MAPK10: variants seen among roughly 807,000 people sequenced by gnomAD.
MAPK10 encodes the protein JNK3 alpha protein kinase.
A neutral mutation model predicts 59.3 loss-of-function variants in MAPK10; 25 were observed. The observed-to-expected ratio is 0.42, with a 90% CI of 0.31 to 0.59. MAPK10 has a LOEUF of 0.59. Ranked by LOEUF, MAPK10 falls within the 20% of genes least tolerant of loss-of-function variation. MAPK10 has a pLI of 0.15. For synonymous variants in MAPK10, 190 were observed against 200.5 expected, an observed-to-expected ratio of 0.95 and a Z score of 0.44; for missense variants, 351 against 568.9, an observed-to-expected ratio of 0.62 and a Z score of 3.90.
intron 1 of MAPK10, chr4:86,358,475 G>GCCCT: frequency 2.1e-5 from 13 of 607,362 alleles, no homozygotes; most frequent in Non-Finnish European, 2.5e-5. Context: ...GCCAGAAGCA[G>GCCCT]GCAGGGCTGC....
At chr4:86,388,298 G>A (rs923863895) in intron 1 of MAPK10, among the ~76,000 whole-genome samples, 3 of 152,068 alleles carry the variant, frequency 2.0e-5, no homozygotes, top group East Asian at 3.9e-4. Flanking sequence ...ATTACTTATC[G>A]TTTGTCAGTA....
At chr4:86,581,508 T>C (rs530423075) in intron 1 of MAPK10, among the ~76,000 whole-genome samples, 2 of 152,202 alleles carry the variant, frequency 1.3e-5, no homozygotes, top group South Asian at 2.1e-4. Context: ...AAATTATATA[T>C]GTTCACAAGC....
chr4:86,548,582 C>T (rs1565024505), intron 1 of MAPK10, among the ~76,000 whole-genome samples: 1 of 152,194 alleles, frequency 6.6e-6, no homozygotes, highest in Non-Finnish European at 1.5e-5. Flanking sequence ...TCACCATCCT[C>T]CTAGTGATAG....
chr4:86,566,858 C>T (rs1005674935), intron 1 of MAPK10, among the ~76,000 whole-genome samples: 7 of 151,966 alleles, frequency 4.6e-5, no homozygotes, highest in Non-Finnish European at 1.0e-4. Context: ...TCACTTGAGC[C>T]CTAAGTTCAA....
chr4:86,475,752 C>G (rs1242792510), intron 1 of MAPK10, among the ~76,000 whole-genome samples: 1 of 151,974 alleles, frequency 6.6e-6, no homozygotes, highest in Non-Finnish European at 1.5e-5. Flanking sequence ...TACCGCTTTT[C>G]TAGGGGGCAA....
At chr4:86,192,275 C>T (rs1481088220) in intron 3 of MAPK10, 1 of 152,052 alleles carries the variant, frequency 6.6e-6, no homozygotes, top group East Asian at 1.9e-4. Flanking sequence ...CAAGGAGTAT[C>T]TTTGTGGTGT....
chr4:86,087,822 A>T (rs1239931673), intron 9 of MAPK10, among the ~76,000 whole-genome samples: 1 of 152,116 alleles, frequency 6.6e-6, no homozygotes, highest in Non-Finnish European at 1.5e-5. Context: ...AACCAGATAC[A>T]AATATTAATC....
chr4:86,264,080 G>A (rs2094128545), intron 2 of MAPK10, among the ~76,000 whole-genome samples: 2 of 152,122 alleles, frequency 1.3e-5, no homozygotes, highest in African/African-American at 4.8e-5. Context: ...AATATAAAGA[G>A]CAGAAAAGTT....
chr4:86,081,488 T>C (rs1340469131), intron 9 of MAPK10: 3 of 151,798 alleles, frequency 2.0e-5, no homozygotes, highest in African/African-American at 7.2e-5. Flanking sequence ...AAGGAATGTC[T>C]ACTAATCAAC....
chr4:86,106,216 C>T (rs529100894), intron 5 of MAPK10, among the ~76,000 whole-genome samples: 7 of 152,210 alleles, frequency 4.6e-5, no homozygotes, highest in African/African-American at 1.4e-4. Context: ...TTAATACTAA[C>T]ACATTTGTGT....
chr4:86,113,886 T>C (rs2057916698), intron 4 of MAPK10, among the ~76,000 whole-genome samples: 1 of 152,226 alleles, frequency 6.6e-6, no homozygotes, highest in Non-Finnish European at 1.5e-5. Flanking sequence ...CATAATCCCA[T>C]AGTTCTCAGA....
In MAPK10 at chr4:86,478,210, C is replaced by T. The variant is rs1276466681; in HGVS notation, c.-263+115700G>A. 3.3e-5 allele frequency among the ~76,000 whole-genome samples: 5 copies of T among 152,126 alleles called. No individual in the cohort carries two copies. The East Asian group carries it at 5.8e-4, about 18-fold the overall frequency. Reference sequence around the variant, plus strand: ...TCATAAAAGGAAACCTAGCTGACCCCGTAGATCCTAAATCCTTTCCCCACT... The same window carrying T: ...TCATAAAAGGAAACCTAGCTGACCCTGTAGATCCTAAATCCTTTCCCCACT... On this transcript the variant is annotated intron_variant, in intron 1 of 4. Coordinates refer to the MAPK10 transcript ENST00000502302.
intron 1 of MAPK10, among the ~76,000 whole-genome samples, chr4:86,481,808 T>C (rs924621182): frequency 2.6e-5 from 4 of 152,192 alleles, no homozygotes; most frequent in Admixed American, 1.3e-4. Context: ...AATCATCTAA[T>C]GGAAACTGCC....
intron 1 of MAPK10, among the ~76,000 whole-genome samples, chr4:86,515,890 TTTTTTGTTTTG>T (rs1756622826): frequency 6.6e-6 from 1 of 151,938 alleles, no homozygotes; most frequent in African/African-American, 2.4e-5. Context: ...TTGTTGTTTT[TTTTTTGTTTTG>T]TTTTTGTTTT....
intron 2 of MAPK10, among the ~76,000 whole-genome samples, chr4:86,208,853 T>C (rs967025890): frequency 6.6e-6 from 1 of 152,132 alleles, no homozygotes; most frequent in Non-Finnish European, 1.5e-5. Context: ...CCACCAATTA[T>C]TTTAAGCAAT....
chr4:86,322,362 C>A (rs1328016036), intron 2 of MAPK10, among the ~76,000 whole-genome samples: 2 of 152,126 alleles, frequency 1.3e-5, no homozygotes, highest in East Asian at 3.9e-4. Context: ...ATACATTCTG[C>A]AGAGATTCTA....
intron 2 of MAPK10, among the ~76,000 whole-genome samples, chr4:86,202,856 A>AT (rs1243958502): frequency 2.0e-5 from 3 of 151,998 alleles, no homozygotes; most frequent in African/African-American, 7.2e-5. Context: ...ATAGCTAAAA[A>AT]TTTACAAAGT....
At chr4:86,318,062 A>G (rs965253602) in intron 2 of MAPK10, among the ~76,000 whole-genome samples, 2 of 152,052 alleles carry the variant, frequency 1.3e-5, no homozygotes, top group Non-Finnish European at 2.9e-5. Context: ...CTCTTCTCAT[A>G]AGGACACCAA....
At chr4:86,430,855 A>G (rs1747951813) in intron 1 of MAPK10, among the ~76,000 whole-genome samples, 1 of 152,212 alleles carries the variant, frequency 6.6e-6, no homozygotes, top group African/African-American at 2.4e-5. Flanking sequence ...GTAAGTCAAT[A>G]TAGGACCTTA....
Sources: allele counts gnomAD v4.1 joint callset (sites outside exome capture counted in the v4.1 genomes callset), GRCh38; gene constraint gnomAD v4.1.1; transcripts MANE v1.5; gene names NCBI Gene and HGNC (gene_info 2026-07-23, HGNC 2026-07-21).